RALGAPA2: variants seen among roughly 807,000 people sequenced by gnomAD.
The protein encoded by RALGAPA2 is Ral GTPase activating protein catalytic subunit alpha 2.
RALGAPA2 carries 139 observed loss-of-function variants against 230.4 expected under a neutral mutation model. The ratio of observed to expected loss-of-function variants is 0.60; its 90% CI spans 0.53 to 0.69. RALGAPA2 has a LOEUF of 0.69. Ranked by LOEUF, RALGAPA2 falls within the 30% of genes least tolerant of loss-of-function variation. The pLI is 0.00. For missense variants in RALGAPA2, 2,163 were observed against 2,276.0 expected (o/e 0.95, Z 1.01); for synonymous variants, 847 against 837.8 (o/e 1.01, Z -0.19).
At chr20:20,680,540 A>G (rs1174442939) in intron 2 of RALGAPA2, 151 bp downstream of exon 2, 1 of 1,179,464 alleles carries the variant, frequency 8.5e-7, no homozygotes, top group Admixed American at 4.1e-5. Context: ...CAAGAGAAAC[A>G]AAGATGCCAC....
At chr20:20,487,927 A>G (rs1202614916) in intron 36 of RALGAPA2, among the ~76,000 whole-genome samples, 1 of 152,010 alleles carries the variant, frequency 6.6e-6, no homozygotes, top group East Asian at 1.9e-4. Flanking sequence ...AAAAAAAAAA[A>G]AAGTTTTTCT....
intron 3 of RALGAPA2, among the ~76,000 whole-genome samples, chr20:20,666,472 C>T (rs2067958527): frequency 6.6e-6 from 1 of 152,188 alleles, no homozygotes; most frequent in African/African-American, 2.4e-5. Context: ...CCCTCTTCCA[C>T]TCAAAAACCG....
At chr20:20,674,677 C>G (rs2068254391) in intron 3 of RALGAPA2, among the ~76,000 whole-genome samples, 2 of 152,092 alleles carry the variant, frequency 1.3e-5, no homozygotes, top group South Asian at 4.1e-4. Context: ...TAAACATGAA[C>G]TAAATTTAAA....
rs368404349 is a variant in RALGAPA2 at position 20,393,101 on chromosome 20, A to G, written c.*188T>C. The G allele has an allele frequency of 9.7e-5, 131 of 1,356,564 alleles. No homozygotes were observed. In the African/African-American group the frequency reaches 1.8e-3, roughly 18 times the overall value. 84.0% of individuals were successfully genotyped at this position (1,356,564 alleles called of 1,614,324 possible). On this transcript the variant is annotated 3_prime_UTR_variant, in exon 40 of 40. Coordinates refer to ENST00000202677, the MANE Select transcript of RALGAPA2 (RefSeq NM_020343.4). The stretch of plus-strand genomic sequence containing the variant: ...TCACCATGGGCTTCAGAAGTCCACT[A>G]ATGGGAAGACCTGCTGAGGGCACTA...
chr20:20,511,113 T>C, intron 33 of RALGAPA2, 141 bp downstream of exon 33: 4 of 1,358,636 alleles, frequency 2.9e-6, no homozygotes, highest in Non-Finnish European at 3.9e-6. Flanking sequence ...CGGTATGGCA[T>C]GCGCAAATGT....
intron 37 of RALGAPA2, among the ~76,000 whole-genome samples, chr20:20,440,487 G>A (rs528215384): frequency 2.4e-4 from 36 of 152,288 alleles, no homozygotes; most frequent in Non-Finnish European, 5.9e-5. Context: ...CTCACTGCTG[G>A]TTCGTTCTTG....
At chr20:20,415,592 G>T (rs1449572340) in intron 37 of RALGAPA2, among the ~76,000 whole-genome samples, 2 of 152,116 alleles carry the variant, frequency 1.3e-5, no homozygotes, top group Non-Finnish European at 2.9e-5. Flanking sequence ...TTTCACATAT[G>T]AATTTTTATC....
intron 7 of RALGAPA2, 38 bp downstream of exon 7, chr20:20,639,747 T>C: frequency 7.4e-7 from 1 of 1,355,502 alleles, no homozygotes; most frequent in Non-Finnish European, 1.1e-6. Context: ...CTGCTGAGAA[T>C]AAACCCATCA....
intron 1 of RALGAPA2, among the ~76,000 whole-genome samples, chr20:20,682,289 G>T (rs1468781735): frequency 6.6e-6 from 1 of 152,188 alleles, no homozygotes; most frequent in African/African-American, 2.4e-5. Flanking sequence ...AATGAAACTA[G>T]TATCACCAAC....
rs75943391 is a variant in RALGAPA2, at chr20:20,521,009, T to A, written c.3992A>T (p.Asp1331Val). 1.2e-6 allele frequency: 2 copies of A among 1,607,904 alleles called. No homozygotes were observed. The highest frequency in any genetic ancestry group is 3.4e-5 in the Admixed American group (2 of 58,958). ...CACATTTGCCAGTGGCAGGAAGGGG[T>A]CATAATCCGTGGATGACAAGTCAGC... ...TLADLSSTDY[D>V]PFLPLANVKS... Residue 1331 changes from aspartate (D) to valine (V), a missense_variant, in exon 31 of 40, where the codon GAC becomes GTC. Transcript: ENST00000202677.
intron 9 of RALGAPA2, among the ~76,000 whole-genome samples, chr20:20,629,949 G>A (rs2066615873): frequency 6.6e-6 from 1 of 152,182 alleles, no homozygotes; most frequent in Non-Finnish European, 1.5e-5. Context: ...CTACACTTTA[G>A]CATTTGCTCC....
At chr20:20,609,994 C>T (rs1276055861) in intron 14 of RALGAPA2, among the ~76,000 whole-genome samples, 1 of 152,210 alleles carries the variant, frequency 6.6e-6, no homozygotes, top group African/African-American at 2.4e-5. Context: ...AGCATTGACT[C>T]ATATTAAGTT....
intron 16 of RALGAPA2, among the ~76,000 whole-genome samples, chr20:20,592,911 C>T (rs983875917): frequency 1.3e-5 from 2 of 151,920 alleles, no homozygotes; most frequent in Middle Eastern, 3.2e-3. Context: ...TTGTGTGATC[C>T]TTCACTTACA....
chr20:20,593,175 T>C (rs540051760), intron 16 of RALGAPA2, among the ~76,000 whole-genome samples: 2 of 152,358 alleles, frequency 1.3e-5, no homozygotes, highest in South Asian at 4.1e-4. Context: ...AGTGCTGGGA[T>C]TGCAGGCGTG....
chr20:20,524,593 A>C (rs550350842), intron 29 of RALGAPA2, 50 bp from the exon 30 acceptor site: 1 of 1,603,362 alleles, frequency 6.2e-7, no homozygotes, highest in Non-Finnish European at 8.5e-7. Context: ...CTTAAACCTC[A>C]CTACATGTAA....
At chr20:20,498,694 C>A (rs1002740786) in intron 35 of RALGAPA2, among the ~76,000 whole-genome samples, 1 of 152,218 alleles carries the variant, frequency 6.6e-6, no homozygotes, top group Non-Finnish European at 1.5e-5. Flanking sequence ...AACCAAGAAA[C>A]TTCCTGCCAG....
In RALGAPA2 at chr20:20,700,023, T is replaced by G. The variant is rs528236380; in HGVS notation, c.106+12352A>C. On this transcript the variant is annotated intron_variant, in intron 1 of 39. Transcript: ENST00000202677. Reference sequence around the variant, plus strand: ...ACATGCACTCATATGTTCATTGCCATGCGATTCACAACAGAAAAACATGGA... The same window carrying G: ...ACATGCACTCATATGTTCATTGCCAGGCGATTCACAACAGAAAAACATGGA... Among the ~76,000 whole-genome samples, 6 of 152,282 alleles carry G rather than the reference T, an allele frequency of 3.9e-5. No homozygotes were observed. The South Asian group carries it at 1.0e-3, about 26-fold the overall frequency.
chr20:20,468,314 T>G (rs772661382), intron 37 of RALGAPA2, among the ~76,000 whole-genome samples: 1 of 152,202 alleles, frequency 6.6e-6, no homozygotes, highest in Non-Finnish European at 1.5e-5. Context: ...GAAATTTGGA[T>G]TAGAAAAGCA....
At chr20:20,598,513 GTATC>G (rs2065532567) in intron 16 of RALGAPA2, among the ~76,000 whole-genome samples, 1 of 152,034 alleles carries the variant, frequency 6.6e-6, no homozygotes, top group South Asian at 2.1e-4. Flanking sequence ...TTGCCATTAA[GTATC>G]TAACTACACA....
Sources: allele counts gnomAD v4.1 joint callset (sites outside exome capture counted in the v4.1 genomes callset), GRCh38; gene constraint gnomAD v4.1.1; transcripts MANE v1.5; gene names NCBI Gene and HGNC (gene_info 2026-07-23, HGNC 2026-07-21).